Variants in ACSM3 observed in about 807,000 individuals in gnomAD.
The protein encoded by ACSM3 is acyl-coenzyme A synthetase ACSM3, mitochondrial.
ACSM3 carries 61 observed loss-of-function variants against 74.1 expected under a neutral mutation model. The observed-to-expected ratio is 0.82, with a 90% confidence interval of 0.67 to 1.02. The LOEUF (loss-of-function observed/expected upper bound fraction) is 1.02. Ranked by LOEUF, ACSM3 falls within the 50% of genes least tolerant of loss-of-function variation. The pLI is 0.00. For missense variants in ACSM3, 660 were observed against 697.0 expected, an observed-to-expected ratio of 0.95 and a Z score of 0.60; for synonymous variants, 213 against 241.5, an observed-to-expected ratio of 0.88 and a Z score of 1.09.
intron 1 of ACSM3, 111 bp from the exon 2 acceptor site, chr16:20,769,872 CA>C: frequency 1.6e-6 from 1 of 635,208 alleles, no homozygotes; most frequent in African/African-American, 1.8e-5. Flanking sequence ...GTGTACGCAG[CA>C]AATGGTACTA....
intron 1 of ACSM3, chr16:20,703,571 G>T (rs1212025575): frequency 2.0e-5 from 3 of 152,064 alleles, no homozygotes; most frequent in Non-Finnish European, 4.4e-5. Flanking sequence ...ACCCAGGCTG[G>T]AGTTCAGTGG....
At chr16:20,778,226 T>C (rs7201261) in intron 4 of ACSM3, among the ~76,000 whole-genome samples, 7,376 of 152,314 alleles carry the variant, frequency 0.048, 603 homozygotes, top group African/African-American at 0.17. Flanking sequence ...ATTTCACTGA[T>C]GTTGAAGCCT....
chr16:20,792,889 TA>T (rs2080633406), intron 12 of ACSM3, among the ~76,000 whole-genome samples: 1 of 152,172 alleles, frequency 6.6e-6, no homozygotes, highest in Non-Finnish European at 1.5e-5. Flanking sequence ...TATTTTGGCT[TA>T]AAAGTACCAT....
intron 7 of ACSM3, among the ~76,000 whole-genome samples, chr16:20,782,061 G>GA (rs1337897135): frequency 6.6e-6 from 1 of 152,132 alleles, no homozygotes; most frequent in Non-Finnish European, 1.5e-5. Flanking sequence ...AAATCTTTTG[G>GA]ATGATGGCTT....
chr16:20,796,214 G>A (rs1596545637), intron 12 of ACSM3, 156 bp from the exon 13 acceptor site: 1 of 1,291,192 alleles, frequency 7.7e-7, no homozygotes, highest in Non-Finnish European at 1.0e-6. Context: ...AGACCAGGAA[G>A]TGGCTGGCTT....
upstream of ACSM3, among the ~76,000 whole-genome samples, chr16:20,762,965 A>G (rs1247463691): frequency 6.6e-6 from 1 of 152,266 alleles, no homozygotes; most frequent in East Asian, 1.9e-4. Context: ...TAGATCTGAA[A>G]GAAAGAAGTA....
intron 1 of ACSM3, among the ~76,000 whole-genome samples, chr16:20,695,694 T>TCTAC (rs2079686298): frequency 6.6e-6 from 1 of 151,920 alleles, no homozygotes; most frequent in South Asian, 2.1e-4. Flanking sequence ...TATCTATCTA[T>TCTAC]CTATCTATCT....
intron 12 of ACSM3, among the ~76,000 whole-genome samples, chr16:20,794,327 TC>T (rs1490624998): frequency 1.1e-4 from 16 of 152,196 alleles, no homozygotes; most frequent in Non-Finnish European, 2.9e-5. Context: ...ATTTTTGGGA[TC>T]ACATATCTCT....
intron 1 of ACSM3, among the ~76,000 whole-genome samples, chr16:20,732,102 TACCTGTATGTATCAAGGG>T (rs2079834032): frequency 6.6e-6 from 1 of 152,114 alleles, no homozygotes; most frequent in Non-Finnish European, 1.5e-5. Context: ...TCAAAGAACA[TACCTGTATGTATCAAGGG>T]ACCCCATTAA....
chr16:20,691,751 ATGTGTGTGTGTGTGTGTGTGTGTGTG>A (rs59929923), intron 1 of ACSM3, among the ~76,000 whole-genome samples: 4 of 134,022 alleles, frequency 3.0e-5, no homozygotes, highest in Admixed American at 7.6e-5. Flanking sequence ...TACCTCTCCA[ATGTGTGTGTGTGTGTGTGTGTGTGTG>A]TGTGTGTGTG....
chr16:20,728,365 A>G (rs1207523772), intron 1 of ACSM3: 2 of 1,280,032 alleles, frequency 1.6e-6, no homozygotes, highest in East Asian at 2.4e-5. Context: ...TTTTAAGAAA[A>G]TCAATTGTTT....
chr16:20,785,359 T>C (rs1053305775), intron 8 of ACSM3, among the ~76,000 whole-genome samples: 3 of 152,194 alleles, frequency 2.0e-5, no homozygotes, highest in African/African-American at 7.2e-5. Flanking sequence ...TTTTTTTAAA[T>C]GAAATAATAC....
chr16:20,785,167 A>T (rs2080445700), intron 8 of ACSM3, 60 bp downstream of exon 8: 1 of 1,598,676 alleles, frequency 6.3e-7, no homozygotes, highest in East Asian at 2.3e-5. Flanking sequence ...AATAAAAACC[A>T]AAGTGTCCAC....
intron 1 of ACSM3, among the ~76,000 whole-genome samples, chr16:20,684,812 T>A (rs960464501): frequency 8.6e-5 from 13 of 152,046 alleles, no homozygotes; most frequent in Non-Finnish European, 1.6e-4. Flanking sequence ...TTTAAAAAAG[T>A]AAGACTCTCT....
chr16:20,715,017 A>T (rs935698863), intron 1 of ACSM3, among the ~76,000 whole-genome samples: 1 of 152,330 alleles, frequency 6.6e-6, no homozygotes, highest in African/African-American at 2.4e-5. Flanking sequence ...AGGTAGATAG[A>T]TGGATGGATA....
chr16:20,764,516 G>A (rs146288868), intron 1 of ACSM3, among the ~76,000 whole-genome samples: 1 of 152,144 alleles, frequency 6.6e-6, no homozygotes, highest in East Asian at 1.9e-4. Context: ...TTGAGGCCAG[G>A]AGTTCGAGAC....
At chr16:20,686,269 A>T (rs1049500582) in intron 1 of ACSM3, among the ~76,000 whole-genome samples, 1 of 152,142 alleles carries the variant, frequency 6.6e-6, no homozygotes, top group African/African-American at 2.4e-5. Flanking sequence ...CAGACTAGGA[A>T]GCTCCAGGCC....
At position 20,744,850 on chromosome 16, in the gene ACSM3, G is replaced by T. The variant is rs78457871; in HGVS notation, c.-189-5060G>T. 3.3e-5 allele frequency among the ~76,000 whole-genome samples: 5 copies of T among 152,336 alleles called. No individual in the cohort carries two copies. In the East Asian group the frequency reaches 9.6e-4, roughly 29 times the overall value. On this transcript the variant is annotated intron_variant, in intron 1 of 3. Coordinates refer to the ACSM3 transcript ENST00000561584. ...ACCTATTCCGGTTAGTGGGTCAGGG[G>T]CCTGCCTGATTTGAGAATCCTTCCT...
chr16:20,752,654 A>G (rs1294900841), intron 2 of ACSM3, among the ~76,000 whole-genome samples: 3 of 152,218 alleles, frequency 2.0e-5, no homozygotes, highest in Non-Finnish European at 2.9e-5. Context: ...ATTAGATTTC[A>G]GTTGAGTGCT....
Sources: gnomAD v4.1 joint callset for allele counts (sites outside exome capture counted in the v4.1 genomes callset) on GRCh38, gnomAD v4.1.1 for gene constraint, MANE v1.5 for transcripts, NCBI Gene and HGNC (gene_info 2026-07-23, HGNC 2026-07-21) for gene names.